DOCK2: variants seen among roughly 807,000 people sequenced by gnomAD.
DOCK2 encodes the protein dedicator of cytokinesis 2, also known as dedicator of cytokinesis protein 2.
DOCK2 carries 87 observed loss-of-function variants against 248.9 expected under a neutral mutation model. The ratio of observed to expected loss-of-function variants is 0.35; its 90% confidence interval spans 0.29 to 0.42. The LOEUF (loss-of-function observed/expected upper bound fraction) is 0.42. Among genes scored for constraint, DOCK2 ranks in the 10% least tolerant of loss-of-function variants. DOCK2 has a pLI of 1.00. For missense variants in DOCK2, 1,747 were observed against 2,300.2 expected (o/e 0.76, Z 4.92); for synonymous variants, 805 against 821.6 (o/e 0.98, Z 0.35).
In DOCK2 at chr5:169,637,318, G is replaced by A; in HGVS notation, c.-9G>A. ...TCCCCACGGGAGGACGCGAGGCCCCGGCCCAGCCATGGCCCCCTGGCGCAA... is the reference window on the plus strand; with the variant it reads ...TCCCCACGGGAGGACGCGAGGCCCCAGCCCAGCCATGGCCCCCTGGCGCAA... On this transcript the variant is annotated 5_prime_UTR_variant, in exon 1 of 52. Transcript: ENST00000520908. The A allele has an allele frequency of 2.1e-6, 3 of 1,426,036 alleles. No individual in the cohort carries two copies. Among genetic ancestry groups the A allele is most frequent in the Non-Finnish European group, 1.8e-6 (2 of 1,092,110 alleles). 88.3% of individuals were successfully genotyped at this position (1,426,036 alleles called of 1,614,324 possible). A position where few individuals can be genotyped will look rare whatever the true frequency, so the allele number is the denominator to read the frequency against.
intron 30 of DOCK2, chr5:169,998,118 G>A (rs1754711353): frequency 4.4e-6 from 2 of 450,262 alleles, no homozygotes; most frequent in African/African-American, 2.0e-5. Flanking sequence ...TCACTCCACA[G>A]TCATTATGCA....
intron 2 of DOCK2, among the ~76,000 whole-genome samples, chr5:169,662,018 A>T (rs1388111440): frequency 6.6e-6 from 1 of 152,134 alleles, no homozygotes; most frequent in Non-Finnish European, 1.5e-5. Flanking sequence ...TTCTATTTTT[A>T]ATTTCTTTAG....
At chr5:169,807,560 A>C (rs542281124) in intron 26 of DOCK2, among the ~76,000 whole-genome samples, 1 of 151,870 alleles carries the variant, frequency 6.6e-6, no homozygotes, top group Non-Finnish European at 1.5e-5. Context: ...GGCTGGGTGC[A>C]TGTGGCTCAC....
chr5:169,923,483 G>GCGCACACA (rs555621064), intron 27 of DOCK2, among the ~76,000 whole-genome samples: 6 of 148,830 alleles, frequency 4.0e-5, no homozygotes, highest in African/African-American at 1.5e-4. Context: ...ATGCACGTGG[G>GCGCACACA]CACACACACA....
intron 1 of DOCK2, among the ~76,000 whole-genome samples, chr5:169,652,723 G>GGGAAGGA (rs1159708511): frequency 6.6e-6 from 1 of 152,164 alleles, no homozygotes; most frequent in Non-Finnish European, 1.5e-5. Flanking sequence ...ATTGGACCAG[G>GGGAAGGA]GGAAGGAGGA....
chr5:169,656,848 C>A (rs991298678), intron 2 of DOCK2, among the ~76,000 whole-genome samples: 3 of 152,210 alleles, frequency 2.0e-5, no homozygotes, highest in Non-Finnish European at 4.4e-5. Flanking sequence ...GGTGCCCTGA[C>A]CTTTACGAAG....
chr5:169,924,521 G>A (rs564884728), intron 27 of DOCK2, among the ~76,000 whole-genome samples: 4 of 152,258 alleles, frequency 2.6e-5, no homozygotes, highest in Admixed American at 2.6e-4. Flanking sequence ...TGAGAATCTT[G>A]ATGATCTTTT....
intron 23 of DOCK2, among the ~76,000 whole-genome samples, chr5:169,756,925 CAAAAA>C (rs60397780): frequency 7.8e-6 from 1 of 127,878 alleles, no homozygotes; most frequent in Non-Finnish European, 1.7e-5. Flanking sequence ...AACTCTGTCT[CAAAAA>C]AAAAAAAAAA....
intron 25 of DOCK2, among the ~76,000 whole-genome samples, chr5:169,802,068 T>C (rs1767030304): frequency 6.6e-6 from 1 of 152,068 alleles, no homozygotes; most frequent in African/African-American, 2.4e-5. Flanking sequence ...AAGGGAAATA[T>C]GGAGACAAAG....
chr5:170,049,296 G>A (rs1345362097), intron 40 of DOCK2, among the ~76,000 whole-genome samples: 2 of 152,184 alleles, frequency 1.3e-5, no homozygotes, highest in Non-Finnish European at 2.9e-5. Flanking sequence ...TGTATTTTTA[G>A]TAGAGACGGT....
At chr5:170,061,558 A>G (rs1000436431) in intron 44 of DOCK2, among the ~76,000 whole-genome samples, 2 of 152,224 alleles carry the variant, frequency 1.3e-5, no homozygotes, top group Admixed American at 1.3e-4. Flanking sequence ...TCTGAAATCT[A>G]GGCCTTTCAC....
At chr5:169,934,650 A>G in intron 27 of DOCK2, 1 of 456,176 alleles carries the variant, frequency 2.2e-6, no homozygotes, top group South Asian at 1.5e-5. Context: ...CTTCCTTTCT[A>G]GGATGCAGCT....
At chr5:169,650,013 A>G (rs1289799943) in intron 1 of DOCK2, among the ~76,000 whole-genome samples, 4 of 152,314 alleles carry the variant, frequency 2.6e-5, no homozygotes, top group Non-Finnish European at 2.9e-5. Context: ...CATGTTGGCC[A>G]GGCTGGTCTC....
chr5:169,751,174 A>G (rs972191405), intron 23 of DOCK2, among the ~76,000 whole-genome samples: 2 of 152,222 alleles, frequency 1.3e-5, no homozygotes, highest in African/African-American at 4.8e-5. Context: ...CCTTTACTTC[A>G]TCATAAAACA....
chr5:169,800,493 G>A (rs1419312002), intron 25 of DOCK2, among the ~76,000 whole-genome samples: 1 of 152,170 alleles, frequency 6.6e-6, no homozygotes. Flanking sequence ...AGCTCTCATG[G>A]AGCTTAATCT....
chr5:169,823,153 A>G (rs1456109406), intron 26 of DOCK2, among the ~76,000 whole-genome samples: 1 of 152,226 alleles, frequency 6.6e-6, no homozygotes, highest in African/African-American at 2.4e-5. Context: ...AAAAAAGTCC[A>G]GGACCAGACG....
chr5:170,000,380 A>G (rs896149367), intron 30 of DOCK2: 18 of 152,198 alleles, frequency 1.2e-4, no homozygotes, highest in Admixed American at 2.0e-4. Flanking sequence ...AGCTTCAGAG[A>G]ATTGATTGAC....
intron 29 of DOCK2, among the ~76,000 whole-genome samples, chr5:169,991,315 G>A (rs1778199730): frequency 6.6e-6 from 1 of 152,250 alleles, no homozygotes; most frequent in Non-Finnish European, 1.5e-5. Context: ...GCTCTGTGAG[G>A]CCTCACATGG....
intron 30 of DOCK2, among the ~76,000 whole-genome samples, chr5:170,007,244 ATCC>A (rs1755067273): frequency 6.6e-6 from 1 of 152,160 alleles, no homozygotes. Context: ...AATGTTGCCT[ATCC>A]TCTTGCTACA....
Sources: gnomAD v4.1 joint callset for allele counts (sites outside exome capture counted in the v4.1 genomes callset) on GRCh38, gnomAD v4.1.1 for gene constraint, MANE v1.5 for transcripts, NCBI Gene and HGNC (gene_info 2026-07-23, HGNC 2026-07-21) for gene names.